PRELID2: variants seen among roughly 807,000 people sequenced by gnomAD.
PRELID2 encodes the protein PRELI domain-containing protein 2.
Under a neutral mutation model 28.4 loss-of-function variants are expected in PRELID2, and 25 were observed. The observed-to-expected ratio is 0.88, with a 90% CI of 0.64 to 1.23. PRELID2 has a LOEUF of 1.23. PRELID2 is among the 50% of genes most tolerant of loss of function. The pLI, the probability that PRELID2 is intolerant of heterozygous loss-of-function variation, is 0.00. For synonymous variants in PRELID2, 76 were observed against 71.6 expected, an observed-to-expected ratio of 1.06 and a Z score of -0.31; for missense variants, 201 against 214.4, an observed-to-expected ratio of 0.94 and a Z score of 0.39.
intron 1 of PRELID2, among the ~76,000 whole-genome samples, chr5:145,720,297 T>C (rs1269565074): frequency 1.3e-5 from 2 of 151,122 alleles, no homozygotes; most frequent in Non-Finnish European, 3.0e-5. Flanking sequence ...CCCTCAGATA[T>C]ATTCCAGTAA....
the PRELID2 span, among the ~76,000 whole-genome samples, chr5:145,369,285 C>G: frequency 6.6e-6 from 1 of 151,992 alleles, no homozygotes; most frequent in African/African-American, 2.4e-5. Flanking sequence ...CCCCTCAACA[C>G]CCAACAGGCC....
the PRELID2 span, among the ~76,000 whole-genome samples, chr5:145,271,517 T>C: frequency 1.3e-5 from 2 of 152,180 alleles, no homozygotes; most frequent in Non-Finnish European, 1.5e-5. Context: ...CTTGGCCCTA[T>C]ACCTATCTTT....
the PRELID2 span, among the ~76,000 whole-genome samples, chr5:145,265,357 T>A: frequency 1.3e-5 from 2 of 152,156 alleles, no homozygotes; most frequent in African/African-American, 4.8e-5. Context: ...TGCTCACACA[T>A]GGGTAGAATT....
chr5:145,817,129 T>C (rs1159185725), intron 4 of PRELID2, among the ~76,000 whole-genome samples: 1 of 147,500 alleles, frequency 6.8e-6, no homozygotes, highest in Non-Finnish European at 1.5e-5. Context: ...AGGTTGAGGC[T>C]GCACCGAGCC....
the PRELID2 span, among the ~76,000 whole-genome samples, chr5:145,346,983 G>A: frequency 6.6e-6 from 1 of 152,122 alleles, no homozygotes; most frequent in Admixed American, 6.6e-5. Flanking sequence ...AAGTGGATAT[G>A]GTCAGTGTTC....
the PRELID2 span, among the ~76,000 whole-genome samples, chr5:145,237,039 G>C: frequency 1.2e-4 from 19 of 152,152 alleles, no homozygotes; most frequent in Non-Finnish European, 2.1e-4. Context: ...ATACACATCA[G>C]AGCAAAAGTA....
intron 1 of PRELID2, among the ~76,000 whole-genome samples, chr5:145,579,519 C>T (rs543409136): frequency 6.6e-6 from 1 of 152,162 alleles, no homozygotes; most frequent in Admixed American, 6.6e-5. Context: ...CAAGAGGAGT[C>T]AAGTTTCAGG....
chr5:145,236,565 T>C, the PRELID2 span, among the ~76,000 whole-genome samples: 16 of 152,248 alleles, frequency 1.1e-4, no homozygotes, highest in East Asian at 2.7e-3. Context: ...AAAACCCACA[T>C]TGATAATGTT....
intron 1 of PRELID2, among the ~76,000 whole-genome samples, chr5:145,554,303 T>C (rs1752862574): frequency 6.6e-6 from 1 of 152,078 alleles, no homozygotes; most frequent in Non-Finnish European, 1.5e-5. Flanking sequence ...GAATGTGAAG[T>C]GGAAGAGAGT....
At chr5:145,639,574 A>T (rs998611308) in intron 1 of PRELID2, among the ~76,000 whole-genome samples, 1 of 152,222 alleles carries the variant, frequency 6.6e-6, no homozygotes, top group Admixed American at 6.5e-5. Context: ...TTACAAACAT[A>T]GTACCTCAAT....
the PRELID2 span, among the ~76,000 whole-genome samples, chr5:145,313,049 C>A: frequency 2.0e-5 from 3 of 151,990 alleles, no homozygotes; most frequent in African/African-American, 7.2e-5. Context: ...ATGGAACCCC[C>A]CAAAAAACCA....
intron 1 of PRELID2, among the ~76,000 whole-genome samples, chr5:145,649,990 G>A (rs1754261566): frequency 6.6e-6 from 1 of 152,160 alleles, no homozygotes; most frequent in Non-Finnish European, 1.5e-5. Flanking sequence ...CATGAGAAAT[G>A]TAGAAAATAT....
chr5:145,677,908 A>G (rs978197478), intron 1 of PRELID2, among the ~76,000 whole-genome samples: 2 of 152,140 alleles, frequency 1.3e-5, no homozygotes, highest in African/African-American at 4.8e-5. Context: ...TTTACAGAAA[A>G]GGAGAAGTTG....
At chr5:145,808,141 G>C (rs1330961031) in intron 4 of PRELID2, among the ~76,000 whole-genome samples, 1 of 152,018 alleles carries the variant, frequency 6.6e-6, no homozygotes, top group East Asian at 1.9e-4. Context: ...TCATGTTTTG[G>C]GACGAATACA....
intron 5 of PRELID2, among the ~76,000 whole-genome samples, chr5:145,793,134 A>G (rs1359250300): frequency 6.6e-6 from 1 of 152,156 alleles, no homozygotes; most frequent in Non-Finnish European, 1.5e-5. Flanking sequence ...TGTGACACAA[A>G]GGCTCCCAAA....
chr5:145,606,982 A>C (rs73311522), intron 1 of PRELID2, among the ~76,000 whole-genome samples: 7,813 of 152,056 alleles, frequency 0.051, 645 homozygotes, highest in African/African-American at 0.17. Flanking sequence ...AGGTCATATG[A>C]TTCCAGGAAT....
chr5:145,614,245 G>T (rs1561520224), intron 1 of PRELID2, among the ~76,000 whole-genome samples: 1 of 152,188 alleles, frequency 6.6e-6, no homozygotes. Context: ...TTTGAAATCA[G>T]GTAGTGTGAT....
the PRELID2 span, among the ~76,000 whole-genome samples, chr5:145,403,967 C>A: frequency 2.6e-5 from 4 of 152,182 alleles, no homozygotes; most frequent in Admixed American, 6.5e-5. Flanking sequence ...TTTCTGGGAA[C>A]AAGGTTGGTC....
At chr5:145,379,704 G>A in the PRELID2 span, among the ~76,000 whole-genome samples, 2 of 152,132 alleles carry the variant, frequency 1.3e-5, no homozygotes, top group African/African-American at 4.8e-5. Context: ...AAAGCAATGT[G>A]GGGAGTTGCT....
Sources: gnomAD v4.1 joint callset for allele counts (sites outside exome capture counted in the v4.1 genomes callset) on GRCh38, gnomAD v4.1.1 for gene constraint, MANE v1.5 for transcripts, NCBI Gene and HGNC (gene_info 2026-07-23, HGNC 2026-07-21) for gene names.